Variants in MAP2K1 observed in about 807,000 individuals in gnomAD.
The protein encoded by MAP2K1 is dual specificity mitogen-activated protein kinase kinase 1.
Under a neutral mutation model 46.3 loss-of-function variants are expected in MAP2K1, and 16 were observed. The observed-to-expected ratio is 0.35, with a 90% CI of 0.23 to 0.52. The LOEUF is 0.52. MAP2K1 is among the 20% of genes least tolerant of loss of function. The pLI is 0.94. For synonymous variants in MAP2K1, 183 were observed against 185.6 expected (o/e 0.99, Z 0.11); for missense variants, 263 against 497.1 (o/e 0.53, Z 4.48).
At chr15:66,465,367 G>A (rs889216725) in intron 5 of MAP2K1, among the ~76,000 whole-genome samples, 6 of 152,158 alleles carry the variant, frequency 3.9e-5, no homozygotes, top group Admixed American at 6.5e-5. Context: ...GGTTGTGATC[G>A]ATTGAGCAAG....
At chr15:66,471,510 T>A (rs1892631267) in intron 5 of MAP2K1, among the ~76,000 whole-genome samples, 1 of 152,160 alleles carries the variant, frequency 6.6e-6, no homozygotes, top group African/African-American at 2.4e-5. Flanking sequence ...CTGCCTAACT[T>A]CAGATCAAGG....
At chr15:66,463,840 A>T (rs1183835571) in intron 5 of MAP2K1, among the ~76,000 whole-genome samples, 1 of 152,178 alleles carries the variant, frequency 6.6e-6, no homozygotes, top group Non-Finnish European at 1.5e-5. Context: ...TATACGTAAG[A>T]TGTACACTGG....
rs374203054 is a variant in MAP2K1, at chr15:66,392,254, G to GTTTTTTTTTTTTTTTTTTTTTTTT, written c.80+4827_80+4828insTTTTTTTTTTTTTTTTTTTTTTTT. Reference sequence around the variant, plus strand: ...CACGAATATTTGTGTGTTTTTTTTGGGTTTTTTTTTTTTTTTTTTTTTTTT... The same window carrying GTTTTTTTTTTTTTTTTTTTTTTTT: ...CACGAATATTTGTGTGTTTTTTTTGGTTTTTTTTTTTTTTTTTTTTTTTTGTTTTTTTTTTTTTTTTTTTTTTTT... On this transcript the variant is annotated intron_variant, in intron 1 of 10. Transcript: ENST00000307102. Among the ~76,000 whole-genome samples, 2 of 79,666 alleles carry GTTTTTTTTTTTTTTTTTTTTTTTT rather than the reference G, an allele frequency of 2.5e-5. 1 individual carries two copies. 52.3% of individuals were successfully genotyped at this position (79,666 alleles called of 152,430 possible). A position where few individuals can be genotyped will look rare whatever the true frequency, so the allele number is the denominator to read the frequency against.
chr15:66,462,633 CA>C (rs1047669196), intron 5 of MAP2K1, among the ~76,000 whole-genome samples: 18 of 150,156 alleles, frequency 1.2e-4, no homozygotes, highest in African/African-American at 4.4e-4. Context: ...AAGAAAATAG[CA>C]TATGTACTGA....
intron 5 of MAP2K1, among the ~76,000 whole-genome samples, chr15:66,454,252 A>G (rs1567015654): frequency 6.6e-6 from 1 of 152,118 alleles, no homozygotes; most frequent in Non-Finnish European, 1.5e-5. Context: ...TGAAGTCTCC[A>G]TCTCTTGTTG....
chr15:66,436,998 G>C, intron 3 of MAP2K1, 106 bp downstream of exon 3: 1 of 1,186,652 alleles, frequency 8.4e-7, no homozygotes, highest in Non-Finnish European at 1.2e-6. Context: ...GCTGCTCCTG[G>C]GATCCACATC....
intron 3 of MAP2K1, among the ~76,000 whole-genome samples, chr15:66,439,687 A>G (rs946688293): frequency 2.6e-5 from 4 of 152,090 alleles, no homozygotes; most frequent in African/African-American, 9.7e-5. Flanking sequence ...AATCACTTCA[A>G]CCCAGAAGGT....
chr15:66,394,888 A>C (rs1428263477), intron 1 of MAP2K1, among the ~76,000 whole-genome samples: 1 of 152,216 alleles, frequency 6.6e-6, no homozygotes, highest in African/African-American at 2.4e-5. Context: ...AGGCCTGCTT[A>C]AGCCTGTGTC....
intron 8 of MAP2K1, 134 bp downstream of exon 8, chr15:66,487,426 G>A (rs1282170635): frequency 2.4e-6 from 2 of 837,620 alleles, no homozygotes; most frequent in Non-Finnish European, 4.1e-6. Flanking sequence ...ATCACACGAG[G>A]TGAGGAGTTC....
intron 3 of MAP2K1, among the ~76,000 whole-genome samples, chr15:66,437,842 A>C (rs2093492456): frequency 6.6e-6 from 1 of 152,078 alleles, no homozygotes; most frequent in Non-Finnish European, 1.5e-5. Flanking sequence ...GCACATCTAA[A>C]GGTTAGAGAA....
intron 2 of MAP2K1, among the ~76,000 whole-genome samples, chr15:66,435,927 A>G (rs1411792467): frequency 6.6e-6 from 1 of 151,778 alleles, no homozygotes; most frequent in East Asian, 1.9e-4. Context: ...TAGCATCTGA[A>G]CTCCTATCAT....
At chr15:66,419,356 C>G (rs926884266) in intron 1 of MAP2K1, among the ~76,000 whole-genome samples, 3 of 151,692 alleles carry the variant, frequency 2.0e-5, no homozygotes, top group Non-Finnish European at 4.4e-5. Context: ...CCCGTCTCTA[C>G]TAAAAATACA....
intron 1 of MAP2K1, among the ~76,000 whole-genome samples, chr15:66,433,320 G>C (rs1444788887): frequency 1.3e-5 from 2 of 152,184 alleles, no homozygotes; most frequent in African/African-American, 4.8e-5. Flanking sequence ...CATAGACTAA[G>C]TAGCTTAGAC....
At chr15:66,387,454 C>T (rs766163609) in intron 1 of MAP2K1, 27 bp downstream of exon 1, 5 of 1,549,510 alleles carry the variant, frequency 3.2e-6, no homozygotes, top group Non-Finnish European at 4.4e-6. Context: ...CGGTGAACCT[C>T]GGGGCCCGGC....
chr15:66,442,877 G>C (rs745417348), intron 3 of MAP2K1, among the ~76,000 whole-genome samples: 1 of 152,150 alleles, frequency 6.6e-6, no homozygotes, highest in South Asian at 2.1e-4. Context: ...TTGGCACACA[G>C]AACTCAGGGA....
At chr15:66,469,358 A>T in intron 5 of MAP2K1, among the ~76,000 whole-genome samples, 1 of 152,200 alleles carries the variant, frequency 6.6e-6, no homozygotes, top group East Asian at 1.9e-4. Context: ...TTTAGTCAGA[A>T]AATCAGGTAA....
intron 1 of MAP2K1, among the ~76,000 whole-genome samples, chr15:66,391,926 A>G (rs1249538502): frequency 7.2e-5 from 11 of 152,240 alleles, no homozygotes; most frequent in Admixed American, 7.2e-4. Context: ...TCTGCATTTC[A>G]TAGACAGGAT....
chr15:66,391,904 T>C (rs188467222), intron 1 of MAP2K1, among the ~76,000 whole-genome samples: 4 of 152,344 alleles, frequency 2.6e-5, no homozygotes, highest in South Asian at 4.1e-4. Flanking sequence ...TAAAATGTTA[T>C]TGTGCTACAA....
intron 5 of MAP2K1, among the ~76,000 whole-genome samples, chr15:66,475,858 C>T (rs1892744576): frequency 6.6e-6 from 1 of 152,156 alleles, no homozygotes; most frequent in African/African-American, 2.4e-5. Context: ...CCTTTTTACT[C>T]TTAGCTCAGT....
Sources: allele counts gnomAD v4.1 joint callset (sites outside exome capture counted in the v4.1 genomes callset), GRCh38; gene constraint gnomAD v4.1.1; transcripts MANE v1.5; gene names NCBI Gene and HGNC (gene_info 2026-07-23, HGNC 2026-07-21).